Variants in ADCY2 observed in about 807,000 individuals in gnomAD.
ADCY2 encodes the protein adenylate cyclase 2.
Under a neutral mutation model 125.2 loss-of-function variants are expected in ADCY2, and 31 were observed. The ratio of observed to expected loss-of-function variants is 0.25; its 90% CI spans 0.19 to 0.33. The LOEUF (loss-of-function observed/expected upper bound fraction) is 0.33, where lower values mean the gene tolerates loss of function less well. Among genes scored for constraint, ADCY2 ranks in the 10% least tolerant of loss-of-function variants. The probability of loss-of-function intolerance (pLI) is 1.00; values close to 1 mark genes in which losing one functional copy is unlikely to be tolerated. For synonymous variants in ADCY2, 512 were observed against 548.4 expected (o/e 0.93, Z 0.93); for missense variants, 904 against 1,418.2 (o/e 0.64, Z 5.82).
At chr5:7,811,087 C>T (rs1254989461) in intron 22 of ADCY2, among the ~76,000 whole-genome samples, 1 of 152,106 alleles carries the variant, frequency 6.6e-6, no homozygotes, top group East Asian at 1.9e-4. Flanking sequence ...CCCATTTCCC[C>T]CAACAACCTG....
intron 2 of ADCY2, among the ~76,000 whole-genome samples, chr5:7,448,919 A>C (rs116556183): frequency 0.028 from 4,272 of 152,218 alleles, 174 homozygotes; most frequent in African/African-American, 0.098. Flanking sequence ...GTTATTGTGA[A>C]TACTGCTGTA....
At chr5:7,751,261 A>C (rs1409265031) in intron 15 of ADCY2, among the ~76,000 whole-genome samples, 2 of 151,996 alleles carry the variant, frequency 1.3e-5, no homozygotes, top group Non-Finnish European at 2.9e-5. Flanking sequence ...TGTTACTTTA[A>C]TCTTAATTTA....
chr5:7,741,671 T>TCATCAC (rs1431409783), intron 14 of ADCY2, among the ~76,000 whole-genome samples: 1 of 27,774 alleles, frequency 3.6e-5, no homozygotes. Flanking sequence ...ATCATCATCA[T>TCATCAC]CATCACCATC....
At chr5:7,775,738 C>A (rs1743701200) in intron 18 of ADCY2, among the ~76,000 whole-genome samples, 1 of 152,166 alleles carries the variant, frequency 6.6e-6, no homozygotes, top group African/African-American at 2.4e-5. Flanking sequence ...TTATAGTTGC[C>A]TTGTGCTATG....
In ADCY2 at chr5:7,815,757, G is replaced by T. The variant is rs376869956; in HGVS notation, c.2884-1109G>T. Among the ~76,000 whole-genome samples the T allele has an allele frequency of 2.8e-4, 42 of 152,268 alleles. No individual in the cohort carries two copies. The South Asian group carries it at 5.8e-3, about 21-fold the overall frequency. ...TCAGCTCTGTAATTCCCTCCTCCTC[G>T]TGGGATGACACAGCCCTCAAGGACG... is the stretch of plus-strand genomic sequence containing the variant. On this transcript the variant is annotated intron_variant, in intron 22 of 24. Coordinates refer to ENST00000338316, the MANE Select transcript of ADCY2 (RefSeq NM_020546.3).
At chr5:7,726,181 G>A (rs1168997265) in intron 13 of ADCY2, among the ~76,000 whole-genome samples, 1 of 152,196 alleles carries the variant, frequency 6.6e-6, no homozygotes, top group Non-Finnish European at 1.5e-5. Context: ...ATTTTCAGGA[G>A]GTTTCAATGG....
At chr5:7,589,514 A>AAAGAAAGAAAGAAAGAAAG (rs1561112604) in intron 3 of ADCY2, among the ~76,000 whole-genome samples, 1 of 72,066 alleles carries the variant, frequency 1.4e-5, no homozygotes, top group Non-Finnish European at 3.4e-5. Flanking sequence ...AAGAAAGAAA[A>AAAGAAAGAAAGAAAGAAAG]GAAAAGAAAG....
chr5:7,480,695 C>A (rs10056602), intron 2 of ADCY2, among the ~76,000 whole-genome samples: 7,605 of 152,074 alleles, frequency 0.05, 281 homozygotes, highest in African/African-American at 0.096. Flanking sequence ...GTACAACAAA[C>A]CCCCATGACA....
chr5:7,666,050 G>A (rs1474183799), intron 4 of ADCY2, among the ~76,000 whole-genome samples: 7 of 151,168 alleles, frequency 4.6e-5, no homozygotes, highest in Admixed American at 2.6e-4. Flanking sequence ...ATGTTAGCCA[G>A]GATGGTCTCG....
intron 24 of ADCY2, among the ~76,000 whole-genome samples, chr5:7,821,678 T>C (rs1014006815): frequency 9.9e-5 from 15 of 152,210 alleles, no homozygotes; most frequent in African/African-American, 3.4e-4. Context: ...GTGACTGTGC[T>C]GGAGGACTTC....
chr5:7,450,177 A>C (rs1741421207), intron 2 of ADCY2, among the ~76,000 whole-genome samples: 1 of 152,236 alleles, frequency 6.6e-6, no homozygotes, highest in Non-Finnish European at 1.5e-5. Flanking sequence ...TTAGTGAGGA[A>C]GGTATGTCTT....
intron 4 of ADCY2, among the ~76,000 whole-genome samples, chr5:7,689,066 C>A (rs1033230966): frequency 1.3e-5 from 2 of 152,054 alleles, no homozygotes; most frequent in African/African-American, 4.8e-5. Flanking sequence ...TAGAACAAAC[C>A]CCCTGGTTTT....
intron 2 of ADCY2, among the ~76,000 whole-genome samples, chr5:7,419,788 T>C (rs1035446866): frequency 1.1e-4 from 17 of 152,104 alleles, no homozygotes; most frequent in Non-Finnish European, 2.2e-4. Context: ...GTGGCTTGAG[T>C]GTAGCTCATA....
At position 7,417,175 on chromosome 5, in the gene ADCY2, G is replaced by A. The variant is rs918848815; in HGVS notation, c.408+2405G>A. On this transcript the variant is annotated intron_variant, in intron 2 of 24. Coordinates refer to ENST00000338316, the MANE Select transcript of ADCY2 (RefSeq NM_020546.3). Reference sequence around the variant, plus strand: ...AATTCTGATTACTTTTTGTTCCTTCGGAGACTCTTTTTTTTCTTCATAAAA... The same window carrying A: ...AATTCTGATTACTTTTTGTTCCTTCAGAGACTCTTTTTTTTCTTCATAAAA... Among the ~76,000 whole-genome samples the A allele has an allele frequency of 3.3e-5, 5 of 151,806 alleles. 1 individual carries two copies. Among genetic ancestry groups the A allele is most frequent in the South Asian group, 2.1e-4 (1 of 4,800 alleles).
chr5:7,631,398 A>G (rs1425447635), intron 4 of ADCY2, among the ~76,000 whole-genome samples: 1 of 152,076 alleles, frequency 6.6e-6, no homozygotes, highest in Non-Finnish European at 1.5e-5. Flanking sequence ...TCCCATTTAA[A>G]CCGAATAAAG....
intron 2 of ADCY2, among the ~76,000 whole-genome samples, chr5:7,457,296 G>A (rs577396770): frequency 2.6e-5 from 4 of 152,196 alleles, no homozygotes; most frequent in East Asian, 3.9e-4. Flanking sequence ...ACAAGCATGC[G>A]GGCTTCCCAG....
chr5:7,696,650 G>A (rs1740904183), intron 6 of ADCY2, among the ~76,000 whole-genome samples: 1 of 152,192 alleles, frequency 6.6e-6, no homozygotes, highest in Admixed American at 6.5e-5. Context: ...TTTAGCTATG[G>A]AAGAATAGGT....
intron 1 of ADCY2, among the ~76,000 whole-genome samples, chr5:7,406,913 T>C (rs1376354953): frequency 5.3e-5 from 8 of 152,240 alleles, no homozygotes. Context: ...CTCTCTCTCT[T>C]TCAGCTTCTA....
intron 3 of ADCY2, among the ~76,000 whole-genome samples, 186 bp downstream of exon 3, chr5:7,521,085 A>G (rs75730811): frequency 0.018 from 2,666 of 152,322 alleles, 99 homozygotes; most frequent in African/African-American, 0.061. Context: ...GGTGGGATCA[A>G]CAGTCACTTA....
Sources: allele counts gnomAD v4.1 joint callset (sites outside exome capture counted in the v4.1 genomes callset), GRCh38; gene constraint gnomAD v4.1.1; transcripts MANE v1.5; gene names NCBI Gene and HGNC (gene_info 2026-07-23, HGNC 2026-07-21).